The following ABLIM1 variants were observed in gnomAD, a reference collection of about 807,000 sequenced individuals.
The protein encoded by ABLIM1 is actin-binding LIM protein 1.
ABLIM1 carries 40 observed loss-of-function variants against 107.0 expected under a neutral mutation model. The ratio of observed to expected loss-of-function variants is 0.37; its 90% CI spans 0.29 to 0.49. The LOEUF (loss-of-function observed/expected upper bound fraction) is 0.49. Ranked by LOEUF, ABLIM1 falls within the 20% of genes least tolerant of loss-of-function variation. The pLI is 0.97. For missense variants in ABLIM1, 857 were observed against 1,008.5 expected (o/e 0.85, Z 2.04); for synonymous variants, 357 against 357.3 (o/e 1.00, Z 0.01).
intron 8 of ABLIM1, among the ~76,000 whole-genome samples, chr10:114,483,277 TG>T (rs753073193): frequency 1.6e-4 from 24 of 152,072 alleles, no homozygotes; most frequent in Non-Finnish European, 1.6e-4. Context: ...TGTCCATTTT[TG>T]GTTTTTTTTT....
rs376146072 is a variant in ABLIM1 at position 114,440,618 on chromosome 10, T to C, written c.2059+399A>G. Among the ~76,000 whole-genome samples the C allele has an allele frequency of 1.2e-4, 18 of 151,998 alleles. No homozygotes were observed. The South Asian group carries it at 1.2e-3, about 11-fold the overall frequency. ...GTGCCACCAGCTAATTATTATAATT[T>C]GTTGTTGTTGTTTTTGTTGTTGTTG... is the stretch of plus-strand genomic sequence containing the variant. On this transcript the variant is annotated intron_variant, in intron 19 of 22. Transcript: ENST00000533213.
chr10:114,757,616 CAAT>C (rs1054161528), intron 1 of ABLIM1, among the ~76,000 whole-genome samples: 1 of 152,092 alleles, frequency 6.6e-6, no homozygotes, highest in African/African-American at 2.4e-5. Flanking sequence ...TTCCAGAATC[CAAT>C]AATTTCTCAG....
chr10:114,450,193 T>C (rs1361735438), intron 14 of ABLIM1: 2 of 235,854 alleles, frequency 8.5e-6, no homozygotes, highest in South Asian at 4.4e-5. Flanking sequence ...AATGAGTGTG[T>C]GGAAAGACAA....
chr10:114,696,101 C>A (rs2081188314), intron 1 of ABLIM1, among the ~76,000 whole-genome samples: 1 of 152,164 alleles, frequency 6.6e-6, no homozygotes, highest in Non-Finnish European at 1.5e-5. Context: ...TCCTTGATAG[C>A]CCCAGTGTCT....
chr10:114,671,687 A>G (rs151082827), intron 1 of ABLIM1, among the ~76,000 whole-genome samples: 1,628 of 152,334 alleles, frequency 0.011, 16 homozygotes, highest in Non-Finnish European at 0.014. Flanking sequence ...TTGTAAATAA[A>G]GTTTTATTGA....
At chr10:114,610,575 A>G (rs1481520807) in intron 1 of ABLIM1, 1 of 152,164 alleles carries the variant, frequency 6.6e-6, no homozygotes, top group African/African-American at 2.4e-5. Context: ...AGCCCAGAAA[A>G]CAAGAAACTC....
chr10:114,575,174 G>A (rs1326295966), intron 3 of ABLIM1, among the ~76,000 whole-genome samples: 1 of 152,198 alleles, frequency 6.6e-6, no homozygotes, highest in Non-Finnish European at 1.5e-5. Context: ...ACCCAGAGCT[G>A]CTTTCAGAAT....
chr10:114,585,830 G>C (rs1387308702), intron 2 of ABLIM1, among the ~76,000 whole-genome samples: 1 of 152,086 alleles, frequency 6.6e-6, no homozygotes, highest in Non-Finnish European at 1.5e-5. Flanking sequence ...ACAAAACAAT[G>C]ATTGACATCT....
In ABLIM1 at chr10:114,451,011, A is replaced by C. The variant is rs113196299; in HGVS notation, c.1594+613T>G. On this transcript the variant is annotated intron_variant, in intron 14 of 22. Transcript: ENST00000533213. ...ACGTTAGTGATTCTTAGTTTGCAGG[A>C]AGTTCAGAGACAAACTGATCTAACT... Among the ~76,000 whole-genome samples the C allele has an allele frequency of 7.8e-3, 1,182 of 152,362 alleles. 16 individuals are homozygous for C. Among genetic ancestry groups the C allele is most frequent in the African/African-American group, 0.027 (1,136 of 41,584 alleles).
intron 1 of ABLIM1, among the ~76,000 whole-genome samples, chr10:114,611,708 C>T (rs554987060): frequency 5.6e-4 from 85 of 152,224 alleles, no homozygotes; most frequent in African/African-American, 7.5e-4. Flanking sequence ...AATCACTTGG[C>T]GCACTTGCCC....
intron 1 of ABLIM1, among the ~76,000 whole-genome samples, chr10:114,618,639 T>C (rs2077277350): frequency 6.6e-6 from 1 of 152,018 alleles, no homozygotes; most frequent in Admixed American, 6.6e-5. Context: ...TGCCCCCAAC[T>C]CAGATGAGAA....
the ABLIM1 span, among the ~76,000 whole-genome samples, chr10:114,793,946 G>C: frequency 6.6e-6 from 1 of 152,160 alleles, no homozygotes; most frequent in African/African-American, 2.4e-5. Flanking sequence ...TAGTTAGTTG[G>C]ACTGCTTCTG....
the ABLIM1 span, among the ~76,000 whole-genome samples, chr10:114,791,127 T>C: frequency 6.6e-6 from 1 of 152,108 alleles, no homozygotes. Flanking sequence ...GGCTGGAGTG[T>C]ACTGGAGCGA....
chr10:114,510,283 G>A (rs968075725), intron 6 of ABLIM1, among the ~76,000 whole-genome samples: 1 of 152,220 alleles, frequency 6.6e-6, no homozygotes, highest in African/African-American at 2.4e-5. Context: ...ATTGCAAGGT[G>A]TAGCCCAGGT....
At chr10:114,668,856 G>C (rs1236520416) in intron 1 of ABLIM1, among the ~76,000 whole-genome samples, 1 of 152,184 alleles carries the variant, frequency 6.6e-6, no homozygotes, top group East Asian at 1.9e-4. Context: ...TGCTGCTCTA[G>C]GTCTCACGGA....
In ABLIM1 at chr10:114,512,139, C is replaced by A. The variant is rs74158015; in HGVS notation, c.895-20261G>T. ...TCAGGTGAACTTTCCTGGGGGGAAGCTGCTTATTCCAAAAGTAATGGGTCT... is the reference window on the plus strand; with the variant it reads ...TCAGGTGAACTTTCCTGGGGGGAAGATGCTTATTCCAAAAGTAATGGGTCT... On this transcript the variant is annotated intron_variant, in intron 6 of 22. Transcript: ENST00000533213. Among the ~76,000 whole-genome samples the A allele has an allele frequency of 4.6e-5, 7 of 152,270 alleles. 1 individual carries two copies. The East Asian group carries it at 1.4e-3, about 29-fold the overall frequency.
intron 1 of ABLIM1, among the ~76,000 whole-genome samples, chr10:114,683,918 C>A (rs1381391046): frequency 2.0e-5 from 3 of 151,874 alleles, no homozygotes; most frequent in Non-Finnish European, 2.9e-5. Flanking sequence ...GAGATGACAT[C>A]CAAACTCAAA....
rs527453800 is a variant in ABLIM1, at chr10:114,725,663, T to C, written c.-213+42398A>G. 2.6e-5 allele frequency among the ~76,000 whole-genome samples: 4 copies of C among 151,946 alleles called. No homozygotes were observed. In the East Asian group the frequency reaches 7.7e-4, roughly 29 times the overall value. On this transcript the variant is annotated intron_variant, in intron 1 of 15. Transcript: ENST00000651092. The stretch of plus-strand genomic sequence containing the variant: ...GATGGGAGCTATGTAGGTATCAGGT[T>C]GGTGCAAAACTAATTGCGGTTTCTA...
At chr10:114,748,292 G>A (rs1344378644) in intron 1 of ABLIM1, among the ~76,000 whole-genome samples, 1 of 152,002 alleles carries the variant, frequency 6.6e-6, no homozygotes, top group Non-Finnish European at 1.5e-5. Context: ...ATACATAATG[G>A]TAAACAGACA....
Sources: gnomAD v4.1 joint callset for allele counts (sites outside exome capture counted in the v4.1 genomes callset) on GRCh38, gnomAD v4.1.1 for gene constraint, MANE v1.5 for transcripts, NCBI Gene and HGNC (gene_info 2026-07-23, HGNC 2026-07-21) for gene names.